The following CPEB3 variants were observed in gnomAD, a reference collection of about 807,000 sequenced individuals.
CPEB3 encodes cytoplasmic polyadenylation element binding protein 3, also known as cytoplasmic polyadenylation element-binding protein 3.
Under a neutral mutation model 67.2 loss-of-function variants are expected in CPEB3, and 20 were observed. The observed-to-expected ratio is 0.30, with a 90% CI of 0.21 to 0.43. The LOEUF (loss-of-function observed/expected upper bound fraction) is 0.43, where lower values mean the gene tolerates loss of function less well. Ranked by LOEUF, CPEB3 falls within the 20% of genes least tolerant of loss-of-function variation. The pLI, the probability that CPEB3 is intolerant of heterozygous loss-of-function variation, is 1.00. For synonymous variants in CPEB3, 376 were observed against 393.1 expected, an observed-to-expected ratio of 0.96 and a Z score of 0.51; for missense variants, 746 against 968.6, an observed-to-expected ratio of 0.77 and a Z score of 3.05.
In CPEB3 at chr10:92,111,172, T is replaced by C; in HGVS notation, c.1476A>G (p.Gln492=). 6.2e-7 allele frequency: 1 copy of C among 1,613,660 alleles called. No homozygotes were observed. Among genetic ancestry groups the C allele is most frequent in the Non-Finnish European group, 8.5e-7 (1 of 1,179,594 alleles). Residue 492 remains glutamine (Q), a synonymous_variant, in exon 7 of 10, where the codon CAA becomes CAG. Transcript: ENST00000265997. The stretch of plus-strand genomic sequence containing the variant: ...TCAAAGCTTGTACTGAGCTTTCCTC[T>C]TGGAACAGCAGAAAGGCATAGCCTT... ...PPKGYAFLLF[Q]EESSVQALID... is the part of the protein sequence containing the mutation.
At chr10:92,262,958 C>T (rs763078944) in intron 1 of CPEB3, among the ~76,000 whole-genome samples, 3 of 152,064 alleles carry the variant, frequency 2.0e-5, no homozygotes, top group Non-Finnish European at 2.9e-5. Context: ...TTTGTAGAGA[C>T]GAGGTCTCAC....
At chr10:92,290,653 CAAG>C (rs1379020711) in intron 1 of CPEB3, among the ~76,000 whole-genome samples, 2 of 152,140 alleles carry the variant, frequency 1.3e-5, no homozygotes, top group East Asian at 3.9e-4. Context: ...CCCGCCCCCT[CAAG>C]AAGAACCTCA....
chr10:92,164,805 C>T (rs939776870), intron 4 of CPEB3, among the ~76,000 whole-genome samples: 3 of 152,176 alleles, frequency 2.0e-5, no homozygotes, highest in Admixed American at 6.5e-5. Context: ...TCACAGCCTC[C>T]ATTATCCTGT....
intron 2 of CPEB3, among the ~76,000 whole-genome samples, chr10:92,203,337 G>GATAT (rs10534634): frequency 7.1e-6 from 1 of 141,200 alleles, no homozygotes; most frequent in Non-Finnish European, 1.5e-5. Flanking sequence ...CATAAGAGAT[G>GATAT]ATATATATAT....
intron 9 of CPEB3, among the ~76,000 whole-genome samples, chr10:92,054,425 A>G (rs1051367426): frequency 1.6e-4 from 25 of 151,978 alleles, no homozygotes; most frequent in African/African-American, 6.0e-4. Flanking sequence ...ATGAATTGCT[A>G]CATCTTTTTT....
intron 3 of CPEB3, among the ~76,000 whole-genome samples, chr10:92,191,168 G>A (rs1028320451): frequency 5.3e-5 from 8 of 151,996 alleles, no homozygotes; most frequent in Non-Finnish European, 7.4e-5. Flanking sequence ...TTGGGAGGCC[G>A]AGGTGGGCAG....
chr10:92,063,640 T>C (rs1161803958), intron 9 of CPEB3, among the ~76,000 whole-genome samples: 2 of 152,046 alleles, frequency 1.3e-5, no homozygotes, highest in African/African-American at 2.4e-5. Flanking sequence ...GGCGCGCACC[T>C]ATAGTCTCAG....
chr10:92,136,305 C>A (rs2133768011), intron 6 of CPEB3, among the ~76,000 whole-genome samples: 1 of 152,186 alleles, frequency 6.6e-6, no homozygotes, highest in African/African-American at 2.4e-5. Context: ...TAATACCCCA[C>A]AAGCAAAGGC....
At chr10:92,085,465 G>A (rs1430455622) in intron 8 of CPEB3, among the ~76,000 whole-genome samples, 1 of 152,164 alleles carries the variant, frequency 6.6e-6, no homozygotes, top group Non-Finnish European at 1.5e-5. Flanking sequence ...CTGTGCCACA[G>A]ACTGGAGGGG....
intron 9 of CPEB3, among the ~76,000 whole-genome samples, chr10:92,064,303 C>G (rs1174144578): frequency 6.6e-6 from 1 of 152,126 alleles, no homozygotes; most frequent in African/African-American, 2.4e-5. Context: ...AATACTGGCT[C>G]CAGTGGTGAT....
intron 9 of CPEB3, among the ~76,000 whole-genome samples, chr10:92,076,047 T>C (rs1842920520): frequency 6.6e-6 from 1 of 152,182 alleles, no homozygotes; most frequent in Non-Finnish European, 1.5e-5. Context: ...TGGTCAGGCA[T>C]TGCTGCTCTG....
intron 7 of CPEB3, among the ~76,000 whole-genome samples, chr10:92,093,254 C>A (rs975917637): frequency 6.6e-6 from 1 of 152,138 alleles, no homozygotes; most frequent in Non-Finnish European, 1.5e-5. Context: ...CCCTCCCCTC[C>A]ACCAATGAAT....
chr10:92,121,068 G>A (rs1295241799), intron 6 of CPEB3, among the ~76,000 whole-genome samples: 1 of 150,984 alleles, frequency 6.6e-6, no homozygotes, highest in Non-Finnish European at 1.5e-5. Flanking sequence ...GAGTGCAGTG[G>A]CACAATCTCA....
chr10:92,233,485 C>G (rs1390338092), intron 2 of CPEB3, among the ~76,000 whole-genome samples: 1 of 147,456 alleles, frequency 6.8e-6, no homozygotes, highest in Non-Finnish European at 1.5e-5. Flanking sequence ...TGCAGTGAGC[C>G]AAGATCATGC....
At chr10:92,165,761 C>G (rs1431741785) in intron 4 of CPEB3, among the ~76,000 whole-genome samples, 1 of 152,232 alleles carries the variant, frequency 6.6e-6, no homozygotes, top group Non-Finnish European at 1.5e-5. Context: ...AAACCACTTT[C>G]TTTGCTTGTA....
intron 8 of CPEB3, among the ~76,000 whole-genome samples, chr10:92,086,372 A>G (rs1034809911): frequency 6.6e-6 from 1 of 152,240 alleles, no homozygotes; most frequent in Admixed American, 6.5e-5. Flanking sequence ...TCTGCATCAG[A>G]TATGTTGGGA....
At chr10:92,209,301 G>C (rs1489127593) in intron 2 of CPEB3, among the ~76,000 whole-genome samples, 1 of 152,260 alleles carries the variant, frequency 6.6e-6, no homozygotes, top group African/African-American at 2.4e-5. Flanking sequence ...GATGCAGGCA[G>C]ATCACCTGAG....
intron 1 of CPEB3, among the ~76,000 whole-genome samples, chr10:92,255,026 A>G (rs1852461927): frequency 6.6e-6 from 1 of 152,002 alleles, no homozygotes; most frequent in Admixed American, 6.6e-5. Context: ...TGTAACTCCT[A>G]AGAGAATACT....
At chr10:92,284,365 C>A (rs990539499) in intron 1 of CPEB3, among the ~76,000 whole-genome samples, 1 of 151,992 alleles carries the variant, frequency 6.6e-6, no homozygotes, top group African/African-American at 2.4e-5. Flanking sequence ...TACGCCTAAA[C>A]CCTCCCACAA....
Sources: gnomAD v4.1 joint callset for allele counts (sites outside exome capture counted in the v4.1 genomes callset) on GRCh38, gnomAD v4.1.1 for gene constraint, MANE v1.5 for transcripts, NCBI Gene and HGNC (gene_info 2026-07-23, HGNC 2026-07-21) for gene names.